Variants in TRMU observed in about 807,000 individuals in gnomAD.
TRMU encodes the protein tRNA mitochondrial 2-thiouridylase.
In TRMU, 49 loss-of-function variants were observed where a neutral mutation model predicts 46.9. That is an observed-to-expected ratio of 1.05 (90% CI 0.83 to 1.33). The LOEUF (loss-of-function observed/expected upper bound fraction) is 1.33. TRMU is among the 40% of genes most tolerant of loss of function. The probability of loss-of-function intolerance (pLI) is 0.00; values close to 1 mark genes in which losing one functional copy is unlikely to be tolerated. For missense variants in TRMU, 572 were observed against 532.4 expected, an observed-to-expected ratio of 1.07 and a Z score of -0.73; for synonymous variants, 241 against 200.9, an observed-to-expected ratio of 1.20 and a Z score of -1.69.
chr22:46,346,424 G>T lies in TRMU; in HGVS notation c.358G>T (p.Ala120Ser), dbSNP rs758153215. The T allele has an allele frequency of 1.9e-6, 3 of 1,612,526 alleles. No individual in the cohort carries two copies. The African/African-American group carries it at 4.0e-5, about 22-fold the overall frequency. Residue 120 changes from alanine to serine, a missense_variant and splice_region_variant, in exon 4 of 11, where the codon GCA becomes TCA. By Grantham distance (99) the Ala-to-Ser change is moderately conservative. Transcript: ENST00000645190. ...CTTGTGTTCTAAAAACCTCACAGGG[G>T]CAGATGCCATTGCCACAGGTCACTA... ...FFHYAVDNLG[A>S]DAIATGHYAR...
At position 46,350,376 on chromosome 22, in the gene TRMU, C is replaced by T. The variant is rs914609186; in HGVS notation, c.564C>T (p.Thr188=). 1.2e-6 allele frequency: 2 copies of T among 1,614,208 alleles called. No homozygotes were observed. Among genetic ancestry groups the T allele is most frequent in the African/African-American group, 2.7e-5 (2 of 75,058 alleles). Residue 188 remains threonine (T), a synonymous_variant, in exon 5 of 11, where the codon ACC becomes ACT. Coordinates refer to ENST00000645190, the MANE Select transcript of TRMU (RefSeq NM_018006.5). This position sits in a 1 kb window ranked among gnomAD's most constrained non-coding sequence, Gnocchi z 4.6. ...SQVSQDALRR[T]IFPLGGLTKE... is the part of the protein sequence containing the mutation. ...TTTCCCAGGATGCCCTGAGGAGAAC[C>T]ATCTTCCCTCTGGGGGGATTAACGA...
At chr22:46,337,669 C>A in intron 1 of TRMU, 110 bp from the exon 2 acceptor site, 1 of 1,442,678 alleles carries the variant, frequency 6.9e-7, no homozygotes, top group Non-Finnish European at 9.5e-7. Context: ...AGGCCAGGCA[C>A]AGAGGCACAG....
Position 46,335,797 on chromosome 22 carries a change from G to A in TRMU, c.33G>A (p.Leu11=), listed in dbSNP as rs2147846193. The A allele has an allele frequency of 1.3e-6, 2 of 1,562,026 alleles. No homozygotes were observed. Among genetic ancestry groups the A allele is most frequent in the Admixed American group, 1.9e-5 (1 of 53,740 alleles). The stretch of plus-strand genomic sequence containing the variant: ...CCTTGCGGCACGTCGTGTGCGCCCT[G>A]TCCGGCGGCGTGGACAGCGCCGTGG... The part of the protein sequence containing the change: MQALRHVVCA[L]SGGVDSAVAA... Residue 11 remains leucine, a synonymous_variant, in exon 1 of 11, where the codon CTG becomes CTA. Coordinates refer to ENST00000645190, the MANE Select transcript of TRMU (RefSeq NM_018006.5).
At position 46,338,326 on chromosome 22, in the gene TRMU, G is replaced by C. The variant is rs1284507204; in HGVS notation, c.248+382G>C. Reference sequence around the variant, plus strand: ...ATTAGGGGATTTCTGAGAAAGAGGTGATACATGGCCTGTGCCTCTGAAAAC... The same window carrying C: ...ATTAGGGGATTTCTGAGAAAGAGGTCATACATGGCCTGTGCCTCTGAAAAC... On this transcript the variant is annotated intron_variant, in intron 2 of 10. Coordinates refer to ENST00000645190, the MANE Select transcript of TRMU (RefSeq NM_018006.5). This position sits in a 1 kb window ranked among gnomAD's most constrained non-coding sequence, Gnocchi z 4.5. 3.4e-6 allele frequency: 1 copy of C among 291,852 alleles called. No homozygotes were observed. Among genetic ancestry groups the C allele is most frequent in the Non-Finnish European group, 6.8e-6 (1 of 147,512 alleles). 18.1% of individuals were successfully genotyped at this position (291,852 alleles called of 1,614,324 possible). A position where few individuals can be genotyped will look rare whatever the true frequency, so the allele number is the denominator to read the frequency against.
intron 10 of TRMU, 173 bp from the exon 11 acceptor site, chr22:46,356,664 GCCCCA>G: frequency 1.4e-6 from 1 of 698,762 alleles, no homozygotes; most frequent in Non-Finnish European, 2.4e-6. Context: ...GCCACTGGGT[GCCCCA>G]GGCCTCTCCT....
At chr22:46,355,048 G>C in intron 8 of TRMU, 1 of 300,030 alleles carries the variant, frequency 3.3e-6, no homozygotes, top group Non-Finnish European at 6.4e-6. Context: ...TGAGAGAAGA[G>C]CCCGTGGTGT....
At position 46,342,883 on chromosome 22, in the gene TRMU, G is replaced by A. The variant is rs943663755; in HGVS notation, c.249-379G>A. 6.6e-6 allele frequency among the ~76,000 whole-genome samples: 1 copy of A among 152,248 alleles called. No individual in the cohort carries two copies. Among genetic ancestry groups the A allele is most frequent in the Admixed American group, 6.5e-5 (1 of 15,290 alleles). On this transcript the variant is annotated intron_variant, in intron 2 of 10. Coordinates refer to ENST00000645190, the MANE Select transcript of TRMU (RefSeq NM_018006.5). This position sits in a 1 kb window ranked among gnomAD's most constrained non-coding sequence, Gnocchi z 4.7. ...TGAGGTGGGAGAATCTGCAAGGGAAGTCTAAAGGATTTCATTTCCACTGTC... is the reference window on the plus strand; with the variant it reads ...TGAGGTGGGAGAATCTGCAAGGGAAATCTAAAGGATTTCATTTCCACTGTC...
chr22:46,355,833 A>G (rs2078587391), intron 9 of TRMU, 157 bp from the exon 10 acceptor site: 3 of 1,013,582 alleles, frequency 3.0e-6, no homozygotes, highest in South Asian at 2.8e-5. Flanking sequence ...ACTGCCCCGC[A>G]GTGTCCTGCT....
intron 3 of TRMU, 35 bp downstream of exon 3, chr22:46,343,403 A>T (rs773641409): frequency 6.1e-4 from 814 of 1,330,320 alleles, no homozygotes; most frequent in East Asian, 7.3e-4. Flanking sequence ...TTTTTTTTTT[A>T]AAGACAGGGT....
At chr22:46,345,967 C>T (rs1227741933) in intron 3 of TRMU, among the ~76,000 whole-genome samples, 2 of 151,986 alleles carry the variant, frequency 1.3e-5, no homozygotes, top group African/African-American at 4.8e-5. Context: ...GGGATTTCAC[C>T]ATGTTGCCCA....
At chr22:46,352,955 C>G in intron 7 of TRMU, 1 of 190,808 alleles carries the variant, frequency 5.2e-6, no homozygotes, top group East Asian at 1.2e-4. Flanking sequence ...CAGGTCTTGA[C>G]ACAGCACAGA....
At chr22:46,353,979 T>A in intron 8 of TRMU, 112 bp downstream of exon 8, 1 of 932,076 alleles carries the variant, frequency 1.1e-6, no homozygotes, top group South Asian at 1.4e-5. Context: ...CTGGAGGCTG[T>A]GACTAACTCT....
In TRMU at chr22:46,348,078, A is replaced by G. The variant is rs146592833; in HGVS notation, c.478+1534A>G. On this transcript the variant is annotated intron_variant, in intron 4 of 10. Transcript: ENST00000645190. The surrounding 1 kb of genome is among the most constrained non-coding windows in gnomAD (Gnocchi z 4.8). ...GGAAGACATGGGTTTGAATGCAGATAAGACAGCCCCCCATTTCAGGAAGAC... is the reference window on the plus strand; with the variant it reads ...GGAAGACATGGGTTTGAATGCAGATGAGACAGCCCCCCATTTCAGGAAGAC... 1.0e-3 allele frequency among the ~76,000 whole-genome samples: 154 copies of G among 151,744 alleles called. No homozygotes were observed. The Middle Eastern group carries it at 0.018, about 18-fold the overall frequency.
At position 46,339,501 on chromosome 22, in the gene TRMU, A is replaced by C. The variant is rs2078065646; in HGVS notation, c.248+1557A>C. Among the ~76,000 whole-genome samples the C allele has an allele frequency of 6.6e-6, 1 of 152,160 alleles. No individual in the cohort carries two copies. The highest frequency in any genetic ancestry group is 1.9e-4 in the East Asian group (1 of 5,190). On this transcript the variant is annotated intron_variant, in intron 2 of 10. Coordinates refer to ENST00000645190, the MANE Select transcript of TRMU (RefSeq NM_018006.5). This position sits in a 1 kb window ranked among gnomAD's most constrained non-coding sequence, Gnocchi z 4.8. Reference sequence around the variant, plus strand: ...GATGAGTCTGGGGAGCTAAGCTATGAGGACGCAAAGGCATAAAAATGATAT... The same window carrying C: ...GATGAGTCTGGGGAGCTAAGCTATGCGGACGCAAAGGCATAAAAATGATAT...
chr22:46,338,418 G>A lies in TRMU; in HGVS notation c.248+474G>A, dbSNP rs968718795. Among the ~76,000 whole-genome samples, 4 of 152,268 alleles carry A rather than the reference G, an allele frequency of 2.6e-5. No individual in the cohort carries two copies. The highest frequency in any genetic ancestry group is 2.1e-4 in the South Asian group (1 of 4,836). ...AATAATTAAGTGCTGTGTGCTAGGC[G>A]TGTGCCACATCTAGGAACATTAAGA... On this transcript the variant is annotated intron_variant, in intron 2 of 10. Coordinates refer to ENST00000645190, the MANE Select transcript of TRMU (RefSeq NM_018006.5). The surrounding 1 kb of genome is among the most constrained non-coding windows in gnomAD (Gnocchi z 4.5).
intron 5 of TRMU, 110 bp from the exon 6 acceptor site, chr22:46,352,011 C>G (rs1479975916): frequency 7.1e-6 from 9 of 1,271,296 alleles, no homozygotes; most frequent in Admixed American, 3.4e-5. Context: ...ACCCTGGAAG[C>G]AAAGTGTGGG....
chr22:46,356,404 C>A (rs1325144553), intron 10 of TRMU: 15 of 442,776 alleles, frequency 3.4e-5, no homozygotes, highest in Non-Finnish European at 6.3e-5. Context: ...CCCCTGTGGG[C>A]CGAGTGTGCA....
Position 46,356,828 on chromosome 22 carries a change from T to A in TRMU, c.1102-14T>A, listed in dbSNP as rs754729305. ...CCCTGTGGCACCCCTGATGCCAGGG[T>A]CTCTCCCCTACAGTTTGCTGTGTTC... On this transcript the variant is annotated splice_polypyrimidine_tract_variant and intron_variant, in intron 10 of 10. Transcript: ENST00000645190. 1 of 1,612,476 alleles carries A rather than the reference T, an allele frequency of 6.2e-7. No individual in the cohort carries two copies. Among genetic ancestry groups the A allele is most frequent in the Admixed American group, 1.7e-5 (1 of 60,006 alleles).
chr22:46,337,494 G>GTGT lies in TRMU; in HGVS notation c.83-284_83-282dup, dbSNP rs556236790. Among the ~76,000 whole-genome samples the GTGT allele has an allele frequency of 3.3e-5, 5 of 152,136 alleles. No homozygotes were observed. The South Asian group carries it at 1.0e-3, about 32-fold the overall frequency. On this transcript the variant is annotated intron_variant, in intron 1 of 10. Transcript: ENST00000645190. ...TTTGTTGAGTTTCGACTATTCCTTC[G>GTGT]TGTATTCCACACACACTGGCTGATC...
Sources: gnomAD v4.1 joint callset for allele counts (sites outside exome capture counted in the v4.1 genomes callset) on GRCh38, gnomAD v4.1.1 for gene constraint, Gnocchi (gnomAD v3.1) non-coding constraint, MANE v1.5 for transcripts, NCBI Gene and HGNC (gene_info 2026-07-23, HGNC 2026-07-21) for gene names.